WDR89: variants seen among roughly 807,000 people sequenced by gnomAD.
WDR89 encodes the protein WD repeat domain 89.
In WDR89, 17 loss-of-function variants were observed where a neutral mutation model predicts 29.1. The ratio of observed to expected loss-of-function variants is 0.58; its 90% CI spans 0.40 to 0.88. The LOEUF is 0.88. Among genes scored for constraint, WDR89 ranks in the 40% least tolerant of loss-of-function variants. The pLI is 0.00. For missense variants in WDR89, 396 were observed against 456.3 expected (o/e 0.87, Z 1.20); for synonymous variants, 138 against 157.8 (o/e 0.87, Z 0.94).
chr14:63,641,165 A>G (rs1203848292), intron 1 of WDR89: 1 of 152,188 alleles, frequency 6.6e-6, no homozygotes, highest in Non-Finnish European at 1.5e-5. Context: ...CATTTTACAA[A>G]TTATACCATC....
At chr14:63,632,634 A>G (rs577177186) in intron 1 of WDR89, among the ~76,000 whole-genome samples, 2 of 152,138 alleles carry the variant, frequency 1.3e-5, no homozygotes, top group Admixed American at 6.5e-5. Context: ...CTCCGTCTCA[A>G]ACAAACAAAA....
intron 1 of WDR89, among the ~76,000 whole-genome samples, chr14:63,637,869 G>A (rs1883841081): frequency 1.3e-5 from 2 of 151,980 alleles, no homozygotes; most frequent in Non-Finnish European, 1.5e-5. Context: ...CAGGTGATAC[G>A]TGCACCAAAA....
chr14:63,639,697 C>A (rs55665448), intron 1 of WDR89, among the ~76,000 whole-genome samples: 1 of 152,052 alleles, frequency 6.6e-6, no homozygotes, highest in African/African-American at 2.4e-5. Context: ...ATGGAAATCA[C>A]TGAAAATGTA....
At position 63,609,122 on chromosome 14, in the gene WDR89, C is replaced by A. The variant is rs1000875933; in HGVS notation, c.-31-9149G>T. 8.2e-5 allele frequency among the ~76,000 whole-genome samples: 12 copies of A among 146,954 alleles called. No individual in the cohort carries two copies. In the East Asian group the frequency reaches 9.8e-4, roughly 12 times the overall value. ...CAAAACTCCATCTCAAAAAAAAAAACCCAAAAAAACAAAAACGAAGACTGG... is the reference window on the plus strand; with the variant it reads ...CAAAACTCCATCTCAAAAAAAAAAAACCAAAAAAACAAAAACGAAGACTGG... On this transcript the variant is annotated intron_variant, in intron 2 of 2. Transcript: ENST00000620954.
At chr14:63,622,299 G>A (rs894104174) in intron 2 of WDR89, among the ~76,000 whole-genome samples, 2 of 152,154 alleles carry the variant, frequency 1.3e-5, no homozygotes, top group Non-Finnish European at 2.9e-5. Flanking sequence ...TAGCCAGGCA[G>A]CCGGGCGTGG....
intron 2 of WDR89, among the ~76,000 whole-genome samples, chr14:63,610,890 T>C (rs1881940105): frequency 6.6e-6 from 1 of 151,870 alleles, no homozygotes; most frequent in South Asian, 2.1e-4. Context: ...CTAGTACAGA[T>C]GGGGTTTCAC....
At chr14:63,605,635 T>G (rs1158794153) in intron 2 of WDR89, among the ~76,000 whole-genome samples, 1 of 152,060 alleles carries the variant, frequency 6.6e-6, no homozygotes, top group Non-Finnish European at 1.5e-5. Flanking sequence ...AATTTTTGTG[T>G]TTTTAGTAGA....
intron 2 of WDR89, among the ~76,000 whole-genome samples, chr14:63,609,373 C>T (rs1225133165): frequency 6.6e-6 from 1 of 152,120 alleles, no homozygotes; most frequent in Non-Finnish European, 1.5e-5. Context: ...AAACAACATG[C>T]AACCTTCATG....
intron 2 of WDR89, among the ~76,000 whole-genome samples, chr14:63,608,666 G>GCATGCACACACA (rs111539038): frequency 6.9e-6 from 1 of 144,670 alleles, no homozygotes; most frequent in Non-Finnish European, 1.5e-5. Flanking sequence ...TGTGGTGCAT[G>GCATGCACACACA]CACACACACA....
At chr14:63,633,945 G>A (rs754488998) in intron 1 of WDR89, among the ~76,000 whole-genome samples, 9 of 152,196 alleles carry the variant, frequency 5.9e-5, no homozygotes, top group Non-Finnish European at 8.8e-5. Flanking sequence ...CTATCAAACC[G>A]TTTTAAAAGT....
chr14:63,613,940 C>T (rs1043499019), intron 2 of WDR89, among the ~76,000 whole-genome samples: 5 of 151,474 alleles, frequency 3.3e-5, no homozygotes, highest in African/African-American at 4.9e-5. Flanking sequence ...TGAACCACCA[C>T]GCCCAGCCTA....
intron 2 of WDR89, among the ~76,000 whole-genome samples, chr14:63,611,275 T>G (rs1358301050): frequency 1.4e-5 from 2 of 138,060 alleles, no homozygotes; most frequent in African/African-American, 2.8e-5. Context: ...AGGCGGAGGT[T>G]GCGGTAGACA....
chr14:63,627,026 T>A (rs1393711577), intron 1 of WDR89, among the ~76,000 whole-genome samples: 1 of 151,736 alleles, frequency 6.6e-6, no homozygotes, highest in African/African-American at 2.4e-5. Flanking sequence ...GAAACTGAGG[T>A]CAGAGGATCA....
At chr14:63,629,744 C>T (rs17750684) in intron 1 of WDR89, among the ~76,000 whole-genome samples, 2,707 of 152,262 alleles carry the variant, frequency 0.018, 33 homozygotes, top group Non-Finnish European at 0.027. Context: ...ATCTTGTATA[C>T]CCAACTAAAA....
At chr14:63,607,823 GT>G (rs1881675332) in intron 2 of WDR89, among the ~76,000 whole-genome samples, 1 of 150,346 alleles carries the variant, frequency 6.7e-6, no homozygotes, top group African/African-American at 2.5e-5. Context: ...GGAGTTTGCA[GT>G]GAGCCAAGAT....
chr14:63,631,547 T>A (rs1053946693), intron 1 of WDR89, among the ~76,000 whole-genome samples: 5 of 151,622 alleles, frequency 3.3e-5, no homozygotes, highest in Admixed American at 2.0e-4. Context: ...AAAAAAAAAT[T>A]TTTTTTTAAT....
chr14:63,606,930 C>G (rs539287981), intron 2 of WDR89, among the ~76,000 whole-genome samples: 3 of 152,246 alleles, frequency 2.0e-5, no homozygotes, highest in African/African-American at 7.2e-5. Flanking sequence ...ACCTGTGAAT[C>G]TGTGTTCATT....
At chr14:63,601,290 C>T (rs1895051933) in intron 2 of WDR89, among the ~76,000 whole-genome samples, 1 of 151,792 alleles carries the variant, frequency 6.6e-6, no homozygotes. Flanking sequence ...AGAAGTCCTT[C>T]TAAGGCAGTA....
At position 63,613,066 on chromosome 14, in the gene WDR89, T is replaced by C. The variant is rs149572087; in HGVS notation, c.-32+11862A>G. On this transcript the variant is annotated intron_variant, in intron 2 of 2. Coordinates refer to ENST00000620954, the MANE Select transcript of WDR89 (RefSeq NM_080666.4). ...CAGTTAGGGTAGGATTAAGAGGTAATGGGTTTTCTCCACCTTTTCTTTGCT... is the reference window on the plus strand; with the variant it reads ...CAGTTAGGGTAGGATTAAGAGGTAACGGGTTTTCTCCACCTTTTCTTTGCT... Among the ~76,000 whole-genome samples, 1,109 of 152,268 alleles carry C rather than the reference T, an allele frequency of 7.3e-3. 6 individuals are homozygous for C. Among genetic ancestry groups the C allele is most frequent in the Admixed American group, 0.013 (192 of 15,292 alleles).
Sources: allele counts gnomAD v4.1 joint callset (sites outside exome capture counted in the v4.1 genomes callset), GRCh38; gene constraint gnomAD v4.1.1; transcripts MANE v1.5; gene names NCBI Gene and HGNC (gene_info 2026-07-23, HGNC 2026-07-21).